The following NRCAM variants were observed in gnomAD, a reference collection of about 807,000 sequenced individuals.
NRCAM encodes NgCAM-related cell adhesion molecule.
A neutral mutation model predicts 156.5 loss-of-function variants in NRCAM; 83 were observed. That is an observed-to-expected ratio of 0.53 (90% CI 0.44 to 0.64). NRCAM has a LOEUF of 0.64. NRCAM is among the 30% of genes least tolerant of loss of function. The probability of loss-of-function intolerance (pLI) is 0.00; values close to 1 mark genes in which losing one functional copy is unlikely to be tolerated. For synonymous variants in NRCAM, 538 were observed against 563.9 expected (o/e 0.95, Z 0.65); for missense variants, 1,417 against 1,597.3 (o/e 0.89, Z 1.92).
chr7:108,164,479 T>A (rs1017529133), intron 30 of NRCAM, among the ~76,000 whole-genome samples: 1 of 150,586 alleles, frequency 6.6e-6, no homozygotes, highest in Non-Finnish European at 1.5e-5. Context: ...AGATCATGAA[T>A]GCAGAGTTTA....
At chr7:108,192,747 T>C (rs772213193) in intron 17 of NRCAM, among the ~76,000 whole-genome samples, 2 of 152,224 alleles carry the variant, frequency 1.3e-5, no homozygotes, top group Admixed American at 6.5e-5. Context: ...GAAAATCATG[T>C]CATTTTCTTA....
At chr7:108,282,898 C>T (rs2097912308) in intron 3 of NRCAM, among the ~76,000 whole-genome samples, 1 of 152,196 alleles carries the variant, frequency 6.6e-6, no homozygotes, top group Non-Finnish European at 1.5e-5. Flanking sequence ...TTTGAAGACT[C>T]CCAGTGCCCA....
chr7:108,381,741 A>G (rs764527484), intron 2 of NRCAM, among the ~76,000 whole-genome samples: 3 of 151,826 alleles, frequency 2.0e-5, no homozygotes, highest in Non-Finnish European at 4.4e-5. Context: ...TTGTATTTTT[A>G]ATAGAGACGG....
rs576433148 is a variant in NRCAM at position 108,248,317 on chromosome 7, T to C, written c.-106-8147A>G. On this transcript the variant is annotated intron_variant, in intron 3 of 32. Transcript: ENST00000379028. ...GGCAGGCTAGTCACTTTGAAAAATATTGTGTCACATTTCAAAGGTAAACCC... is the reference window on the plus strand; with the variant it reads ...GGCAGGCTAGTCACTTTGAAAAATACTGTGTCACATTTCAAAGGTAAACCC... 6.6e-5 allele frequency among the ~76,000 whole-genome samples: 10 copies of C among 152,200 alleles called. No individual in the cohort carries two copies. In the East Asian group the frequency reaches 1.4e-3, roughly 21 times the overall value.
intron 3 of NRCAM, among the ~76,000 whole-genome samples, chr7:108,242,403 A>G (rs977544910): frequency 2.0e-5 from 3 of 152,192 alleles, no homozygotes; most frequent in Non-Finnish European, 4.4e-5. Context: ...CCAAACATTC[A>G]TATCCATTAA....
chr7:108,237,608 T>C, intron 5 of NRCAM, 144 bp downstream of exon 5: 2 of 495,260 alleles, frequency 4.0e-6, no homozygotes, highest in African/African-American at 2.0e-5. Context: ...TGAAATACAA[T>C]GTTTAGCTAC....
At chr7:108,206,636 T>C (rs962855734) in intron 13 of NRCAM, among the ~76,000 whole-genome samples, 10 of 152,162 alleles carry the variant, frequency 6.6e-5, no homozygotes, top group African/African-American at 2.4e-4. Context: ...TAGTGGGTTC[T>C]CTGTTCATGG....
rs1264404880 is a variant in NRCAM at position 108,207,611 on chromosome 7, C to T, written c.1124G>A (p.Gly375Glu). 10 of 1,613,950 alleles carry T rather than the reference C, an allele frequency of 6.2e-6. No homozygotes were observed. The highest frequency in any genetic ancestry group is 2.2e-5 in the East Asian group (1 of 44,876). Residue 375 changes from glycine (G) to glutamate (E), a missense_variant, in exon 13 of 33, where the codon GGA becomes GAA. Coordinates refer to ENST00000379028, the MANE Select transcript of NRCAM (RefSeq NM_001037132.4). ...TCTGCAGATCAAGGTCCCATCCTCT[C>T]CTGGGGACAGCACAAGATTTTGAGG... ...TAPQNLVLSP[G>E]EDGTLICRAN...
chr7:108,305,429 T>C (rs2098700994), intron 3 of NRCAM, among the ~76,000 whole-genome samples: 1 of 152,216 alleles, frequency 6.6e-6, no homozygotes, highest in Non-Finnish European at 1.5e-5. Flanking sequence ...TTTTTGTTTT[T>C]TGTTTTTTGC....
At chr7:108,239,008 C>T (rs568403437) in intron 4 of NRCAM, among the ~76,000 whole-genome samples, 8 of 152,160 alleles carry the variant, frequency 5.3e-5, no homozygotes, top group African/African-American at 1.4e-4. Flanking sequence ...CTTCCTTGCA[C>T]CTTGGAAAGC....
At chr7:108,207,721 C>CTATTATTAAA (rs2081919673) in intron 12 of NRCAM, 62 bp from the exon 13 acceptor site, 1 of 1,419,248 alleles carries the variant, frequency 7.0e-7, no homozygotes, top group South Asian at 1.3e-5. Flanking sequence ...AGCAAAAGAA[C>CTATTATTAAA]ATATTGAACT....
intron 3 of NRCAM, among the ~76,000 whole-genome samples, chr7:108,303,771 C>T (rs576068974): frequency 1.3e-5 from 2 of 152,188 alleles, no homozygotes; most frequent in South Asian, 2.1e-4. Flanking sequence ...GGATGTCCAC[C>T]CATGTTTCAT....
At chr7:108,174,194 G>T (rs904903067) in intron 28 of NRCAM, among the ~76,000 whole-genome samples, 1 of 152,220 alleles carries the variant, frequency 6.6e-6, no homozygotes, top group African/African-American at 2.4e-5. Flanking sequence ...TTACAACTTC[G>T]TCAAGTCTAA....
intron 2 of NRCAM, among the ~76,000 whole-genome samples, chr7:108,313,484 C>G (rs1439054359): frequency 6.6e-6 from 1 of 152,112 alleles, no homozygotes; most frequent in Admixed American, 6.6e-5. Flanking sequence ...TCTGAAAAAC[C>G]CTTCAGAGAA....
chr7:108,314,279 T>C (rs1243416454), intron 2 of NRCAM, among the ~76,000 whole-genome samples: 1 of 152,206 alleles, frequency 6.6e-6, no homozygotes, highest in Non-Finnish European at 1.5e-5. Flanking sequence ...TGACTTTTTG[T>C]TACATTCATT....
intron 11 of NRCAM, among the ~76,000 whole-genome samples, chr7:108,212,276 G>C (rs2085003061): frequency 6.6e-6 from 1 of 152,116 alleles, no homozygotes; most frequent in Admixed American, 6.5e-5. Context: ...CCCTCTGACA[G>C]AATCTACCCA....
intron 2 of NRCAM, among the ~76,000 whole-genome samples, chr7:108,371,865 A>G (rs953884600): frequency 8.5e-5 from 13 of 152,202 alleles, no homozygotes; most frequent in African/African-American, 3.1e-4. Flanking sequence ...AAATAGAAAA[A>G]ACAATTCTAT....
intron 1 of NRCAM, among the ~76,000 whole-genome samples, chr7:108,417,237 A>G (rs1250465202): frequency 6.6e-6 from 1 of 152,236 alleles, no homozygotes. Context: ...AGCTGTTATA[A>G]CAGAAAACCT....
At chr7:108,151,775 T>C (rs1017840033) in intron 32 of NRCAM, among the ~76,000 whole-genome samples, 4 of 152,206 alleles carry the variant, frequency 2.6e-5, no homozygotes, top group African/African-American at 9.7e-5. Flanking sequence ...AATTATTAAA[T>C]CCTTCTTGTG....
Sources: allele counts gnomAD v4.1 joint callset (sites outside exome capture counted in the v4.1 genomes callset), GRCh38; gene constraint gnomAD v4.1.1; transcripts MANE v1.5; gene names NCBI Gene and HGNC (gene_info 2026-07-23, HGNC 2026-07-21).